Variants in LRRFIP2 observed in about 807,000 individuals in gnomAD.
LRRFIP2 encodes LRR binding FLII interacting protein 2, also known as leucine-rich repeat flightless-interacting protein 2.
A neutral mutation model predicts 125.9 loss-of-function variants in LRRFIP2; 109 were observed. The observed-to-expected ratio is 0.87, with a 90% CI of 0.74 to 1.01. LRRFIP2 has a LOEUF of 1.01. Among genes scored for constraint, LRRFIP2 ranks in the 50% least tolerant of loss-of-function variants. The pLI is 0.00. For synonymous variants in LRRFIP2, 291 were observed against 293.1 expected (o/e 0.99, Z 0.07); for missense variants, 850 against 862.3 (o/e 0.99, Z 0.18).
At chr3:37,134,524 T>C (rs1372669162) in intron 2 of LRRFIP2, 1 of 389,676 alleles carries the variant, frequency 2.6e-6, no homozygotes, top group Non-Finnish European at 5.0e-6. Flanking sequence ...GTCTCCACAA[T>C]ACCAAGAGCT....
intron 7 of LRRFIP2, 39 bp from the exon 8 acceptor site, chr3:37,113,019 T>C (rs376098863): frequency 6.9e-6 from 8 of 1,151,710 alleles, no homozygotes; most frequent in African/African-American, 6.1e-5. Context: ...AATGATTGCA[T>C]AGCGAAGTTA....
intron 27 of LRRFIP2, 59 bp from the exon 28 acceptor site, chr3:37,054,020 C>CT (rs1343863829): frequency 3.1e-6 from 3 of 983,326 alleles, no homozygotes; most frequent in Non-Finnish European, 5.0e-6. Flanking sequence ...CAGTGCTACT[C>CT]TATTTTCAAC....
intron 17 of LRRFIP2, chr3:37,093,116 G>A (rs1439991301): frequency 6.5e-6 from 1 of 152,712 alleles, no homozygotes; most frequent in Non-Finnish European, 1.5e-5. Context: ...GGGATTACAT[G>A]GGTGACAAAT....
intron 18 of LRRFIP2, among the ~76,000 whole-genome samples, chr3:37,087,869 C>T (rs1159886815): frequency 2.0e-5 from 3 of 152,152 alleles, no homozygotes; most frequent in Admixed American, 1.3e-4. Context: ...TGATTATAGG[C>T]GTAAGCCACC....
At chr3:37,126,762 G>A (rs1196909276) in intron 4 of LRRFIP2, among the ~76,000 whole-genome samples, 1 of 151,832 alleles carries the variant, frequency 6.6e-6, no homozygotes, top group Non-Finnish European at 1.5e-5. Context: ...GAGATGCTGA[G>A]GCAGGAGAAT....
chr3:37,129,027 G>C, intron 3 of LRRFIP2, 36 bp downstream of exon 3: 2 of 1,574,878 alleles, frequency 1.3e-6, no homozygotes, highest in Non-Finnish European at 8.7e-7. Flanking sequence ...TTTTGGGGGA[G>C]ACAAATATGA....
At chr3:37,073,258 A>G (rs1175014088) in intron 20 of LRRFIP2, among the ~76,000 whole-genome samples, 1 of 152,230 alleles carries the variant, frequency 6.6e-6, no homozygotes, top group African/African-American at 2.4e-5. Flanking sequence ...AGGTTTGCTT[A>G]TGAACAAATG....
intron 1 of LRRFIP2, among the ~76,000 whole-genome samples, chr3:37,168,648 A>T (rs2096542397): frequency 6.6e-6 from 1 of 152,268 alleles, no homozygotes; most frequent in South Asian, 2.1e-4. Context: ...ACACTTAAAA[A>T]TGGTTTAAAT....
chr3:37,156,673 CAAAAAAA>C (rs59647339), intron 1 of LRRFIP2, among the ~76,000 whole-genome samples: 7 of 30,584 alleles, frequency 2.3e-4, no homozygotes, highest in Non-Finnish European at 2.4e-4. Context: ...GACTCAGTAT[CAAAAAAA>C]AAAAAAAAAA....
chr3:37,102,995 A>G lies in LRRFIP2; in HGVS notation c.802T>C (p.Phe268Leu), dbSNP rs1258380983. ...RESVVSAADY[F>L]SRSNRRGSVV... ...CTTCCCCTACGATTGGAGCGACTGA[A>G]ATAATCAGCGGCAGATACCTTTCGG... The change falls in exon 15 of 28, where the codon TTC becomes CTC. Residue 268 changes from phenylalanine to leucine, a missense_variant. Coordinates refer to ENST00000336686, the MANE Select transcript of LRRFIP2 (RefSeq NM_006309.4). The G allele has an allele frequency of 6.4e-7, 1 of 1,564,050 alleles. No individual in the cohort carries two copies. Among genetic ancestry groups the G allele is most frequent in the African/African-American group, 1.4e-5 (1 of 73,954 alleles).
intron 2 of LRRFIP2, among the ~76,000 whole-genome samples, chr3:37,145,544 G>C (rs2095837495): frequency 1.3e-5 from 2 of 152,118 alleles, no homozygotes; most frequent in South Asian, 4.2e-4. Flanking sequence ...CCTGGAACAT[G>C]AACAATGACT....
At chr3:37,064,522 T>C (rs1468712) in intron 23 of LRRFIP2, 54,825 of 150,448 alleles carry the variant, frequency 0.36, 10,870 homozygotes, top group Non-Finnish European at 0.45. Flanking sequence ...AGAGGTTGTA[T>C]GTTGCAGTGA....
At chr3:37,097,573 C>T (rs1053075929) in intron 15 of LRRFIP2, among the ~76,000 whole-genome samples, 1 of 151,994 alleles carries the variant, frequency 6.6e-6, no homozygotes. Context: ...TAAATCATAC[C>T]CCATCTATAC....
At chr3:37,098,769 T>C (rs58521926) in intron 15 of LRRFIP2, among the ~76,000 whole-genome samples, 1 of 152,188 alleles carries the variant, frequency 6.6e-6, no homozygotes, top group African/African-American at 2.4e-5. Flanking sequence ...CTATACTGCA[T>C]TGCCCAATAT....
chr3:37,136,896 A>T (rs1374597065), intron 2 of LRRFIP2, among the ~76,000 whole-genome samples: 3 of 140,826 alleles, frequency 2.1e-5, no homozygotes, highest in African/African-American at 8.0e-5. Flanking sequence ...TTCAGATAAT[A>T]TATCTACCAT....
chr3:37,054,988 G>A (rs2086404535), intron 26 of LRRFIP2, 98 bp downstream of exon 26: 1 of 736,148 alleles, frequency 1.4e-6, no homozygotes, highest in Admixed American at 2.6e-5. Context: ...AACTATTATT[G>A]ATCCAACTGC....
chr3:37,160,534 C>A (rs2096309270), intron 1 of LRRFIP2, among the ~76,000 whole-genome samples: 1 of 152,124 alleles, frequency 6.6e-6, no homozygotes, highest in South Asian at 2.1e-4. Flanking sequence ...AATCCCAACA[C>A]TTTGGGAGGC....
At chr3:37,079,931 G>T (rs548238216) in intron 19 of LRRFIP2, among the ~76,000 whole-genome samples, 11 of 152,226 alleles carry the variant, frequency 7.2e-5, no homozygotes, top group Middle Eastern at 3.4e-3. Flanking sequence ...TTGGGGGAAA[G>T]GAAGATGATA....
intron 20 of LRRFIP2, among the ~76,000 whole-genome samples, chr3:37,074,146 G>C (rs2091695011): frequency 6.6e-6 from 1 of 152,164 alleles, no homozygotes; most frequent in African/African-American, 2.4e-5. Flanking sequence ...AAAATCATTT[G>C]TAGAGAGACA....
Sources: gnomAD v4.1 joint callset for allele counts (sites outside exome capture counted in the v4.1 genomes callset) on GRCh38, gnomAD v4.1.1 for gene constraint, MANE v1.5 for transcripts, NCBI Gene and HGNC (gene_info 2026-07-23, HGNC 2026-07-21) for gene names.